MIR2052HG: variants seen among roughly 807,000 people sequenced by gnomAD.
MIR2052HG encodes the protein MIR2052 host gene.
intron 1 of MIR2052HG, among the ~76,000 whole-genome samples, chr8:74,610,422 T>G (rs1430610410): frequency 1.3e-5 from 2 of 151,936 alleles, no homozygotes; most frequent in Admixed American, 1.3e-4. Context: ...GATTCAACAT[T>G]GTTAATATGT....
At chr8:74,603,114 G>C in intron 1 of MIR2052HG, 2 of 618,360 alleles carry the variant, frequency 3.2e-6, no homozygotes, top group South Asian at 3.8e-5. Flanking sequence ...GCTGAACAGA[G>C]AAAGGAATTA....
intron 2 of MIR2052HG, among the ~76,000 whole-genome samples, chr8:74,673,346 G>C (rs1350190825): frequency 2.6e-5 from 4 of 151,972 alleles, no homozygotes; most frequent in African/African-American, 9.7e-5. Context: ...GGCCACAATT[G>C]TCCTTTTCTT....
chr8:74,602,853 C>CTTTCTTTCTTTCTTTCTT (rs1586883729), intron 1 of MIR2052HG, among the ~76,000 whole-genome samples: 1 of 143,820 alleles, frequency 7.0e-6, no homozygotes, highest in Admixed American at 7.1e-5. Context: ...TTCTTTCTTT[C>CTTTCTTTCTTTCTTTCTT]TTTCTTTCTT....
At chr8:74,692,217 A>G (rs908681715) in intron 2 of MIR2052HG, among the ~76,000 whole-genome samples, 2 of 152,172 alleles carry the variant, frequency 1.3e-5, no homozygotes, top group Admixed American at 1.3e-4. Context: ...CAGCTCCCCA[A>G]GTAGCTGGAA....
At chr8:74,644,230 A>G (rs1808668455) in intron 2 of MIR2052HG, among the ~76,000 whole-genome samples, 1 of 152,224 alleles carries the variant, frequency 6.6e-6, no homozygotes, top group Non-Finnish European at 1.5e-5. Flanking sequence ...ATGACGTTTC[A>G]GTCAATAATG....
At chr8:74,633,963 C>T (rs932728556) in intron 2 of MIR2052HG, among the ~76,000 whole-genome samples, 6 of 152,118 alleles carry the variant, frequency 3.9e-5, no homozygotes, top group African/African-American at 1.4e-4. Context: ...TTAGATGTAC[C>T]GAGCCTCTTT....
intron 4 of MIR2052HG, among the ~76,000 whole-genome samples, chr8:74,706,840 C>T (rs563912344): frequency 7.2e-4 from 110 of 151,956 alleles, no homozygotes; most frequent in Non-Finnish European, 1.2e-3. Flanking sequence ...AGCTTCTTGG[C>T]GGGGAAGGGC....
chr8:74,740,006 C>T (rs1809809441), intron 4 of MIR2052HG, among the ~76,000 whole-genome samples: 1 of 152,094 alleles, frequency 6.6e-6, no homozygotes, highest in Non-Finnish European at 1.5e-5. Flanking sequence ...ATTTATATAA[C>T]TAAAATAATT....
At chr8:74,724,559 T>C (rs1274624065) in intron 4 of MIR2052HG, among the ~76,000 whole-genome samples, 2 of 152,214 alleles carry the variant, frequency 1.3e-5, no homozygotes, top group African/African-American at 4.8e-5. Context: ...ATTGATATGA[T>C]GATATAGATT....
At chr8:74,614,340 G>C (rs2128731746) in intron 2 of MIR2052HG, among the ~76,000 whole-genome samples, 1 of 151,970 alleles carries the variant, frequency 6.6e-6, no homozygotes, top group South Asian at 2.1e-4. Flanking sequence ...TTTTTTCTCT[G>C]CATTCAGAAT....
intron 2 of MIR2052HG, among the ~76,000 whole-genome samples, chr8:74,671,488 C>A (rs889201344): frequency 1.3e-5 from 2 of 151,078 alleles, no homozygotes; most frequent in African/African-American, 4.9e-5. Flanking sequence ...TTTATTAAAA[C>A]AACTACTTAA....
At chr8:74,752,096 C>T (rs150699842) in intron 4 of MIR2052HG, among the ~76,000 whole-genome samples, 5 of 151,822 alleles carry the variant, frequency 3.3e-5, no homozygotes, top group Admixed American at 1.3e-4. Context: ...GCCTGGGCAA[C>T]ATAGTGAAAC....
intron 4 of MIR2052HG, among the ~76,000 whole-genome samples, chr8:74,720,782 A>C (rs1366325694): frequency 6.6e-6 from 1 of 152,016 alleles, no homozygotes; most frequent in Non-Finnish European, 1.5e-5. Context: ...TGTTTAATTG[A>C]CTCACAGTTC....
At chr8:74,739,720 A>G (rs1586928527) in intron 4 of MIR2052HG, among the ~76,000 whole-genome samples, 1 of 152,220 alleles carries the variant, frequency 6.6e-6, no homozygotes, top group African/African-American at 2.4e-5. Context: ...GTGGTTCAAA[A>G]TAAAACTATA....
intron 4 of MIR2052HG, among the ~76,000 whole-genome samples, chr8:74,720,644 T>A (rs1394908904): frequency 1.3e-5 from 2 of 152,212 alleles, no homozygotes; most frequent in Middle Eastern, 6.3e-3. Context: ...AAAATGTATA[T>A]GTTATGCTAG....
At chr8:74,754,501 T>C (rs1238745466) in intron 5 of MIR2052HG, among the ~76,000 whole-genome samples, 1 of 151,878 alleles carries the variant, frequency 6.6e-6, no homozygotes. Flanking sequence ...GTGTAGAACG[T>C]GGAATTTTGA....
intron 4 of MIR2052HG, among the ~76,000 whole-genome samples, chr8:74,712,700 C>CTTT (rs34899536): frequency 8.4e-5 from 12 of 143,456 alleles, no homozygotes; most frequent in African/African-American, 2.8e-4. Flanking sequence ...CTTTTTCTGC[C>CTTT]TTTTTTTTTT....
chr8:74,697,130 T>A (rs576523761), intron 2 of MIR2052HG, among the ~76,000 whole-genome samples: 86 of 152,202 alleles, frequency 5.7e-4, no homozygotes, highest in Non-Finnish European at 9.7e-4. Flanking sequence ...TAATCCACCA[T>A]GATCAAGTGG....
chr8:74,660,801 C>G (rs1362300731), intron 2 of MIR2052HG, among the ~76,000 whole-genome samples: 1 of 129,462 alleles, frequency 7.7e-6, no homozygotes, highest in Non-Finnish European at 1.6e-5. Flanking sequence ...TTCCTAAGAG[C>G]CCTGAAATAT....
Sources: allele counts gnomAD v4.1 joint callset (sites outside exome capture counted in the v4.1 genomes callset), GRCh38; gene constraint gnomAD v4.1.1; transcripts MANE v1.5; gene names NCBI Gene and HGNC (gene_info 2026-07-23, HGNC 2026-07-21).